The following CLEC16A variants were observed in gnomAD, a reference collection of about 807,000 sequenced individuals.
The protein encoded by CLEC16A is protein CLEC16A.
Under a neutral mutation model 109.5 loss-of-function variants are expected in CLEC16A, and 51 were observed. The observed-to-expected ratio is 0.47, with a 90% CI of 0.37 to 0.59. The LOEUF (loss-of-function observed/expected upper bound fraction) is 0.59. Among genes scored for constraint, CLEC16A ranks in the 20% least tolerant of loss-of-function variants. The probability of loss-of-function intolerance (pLI) is 0.00; values close to 1 mark genes in which losing one functional copy is unlikely to be tolerated. For missense variants in CLEC16A, 1,339 were observed against 1,394.0 expected (o/e 0.96, Z 0.63); for synonymous variants, 673 against 564.2 (o/e 1.19, Z -2.73).
chr16:11,129,888 T>G (rs900574618), intron 22 of CLEC16A, among the ~76,000 whole-genome samples: 1 of 150,852 alleles, frequency 6.6e-6, no homozygotes, highest in South Asian at 2.2e-4. Flanking sequence ...TCAGCCTCCC[T>G]AGTAGCTGGT....
chr16:11,127,052 A>T (rs1409160798), intron 22 of CLEC16A, among the ~76,000 whole-genome samples: 1 of 152,182 alleles, frequency 6.6e-6, no homozygotes, highest in African/African-American at 2.4e-5. Flanking sequence ...TAGGCATATG[A>T]TTTTTTAAAA....
chr16:11,115,316 G>A (rs141448658), intron 19 of CLEC16A, among the ~76,000 whole-genome samples: 1 of 152,188 alleles, frequency 6.6e-6, no homozygotes, highest in Admixed American at 6.5e-5. Context: ...TATTGTTTTT[G>A]TTCTATTTTT....
intron 17 of CLEC16A, among the ~76,000 whole-genome samples, chr16:11,049,872 G>A (rs980188711): frequency 1.3e-5 from 2 of 152,250 alleles, no homozygotes; most frequent in African/African-American, 2.4e-5. Flanking sequence ...CCCCTGCGGG[G>A]TTAGAGGATT....
intron 13 of CLEC16A, among the ~76,000 whole-genome samples, chr16:11,033,185 C>A (rs1452664490): frequency 6.6e-6 from 1 of 152,060 alleles, no homozygotes; most frequent in African/African-American, 2.4e-5. Context: ...AGGGACGAGT[C>A]AGATGACTCC....
At chr16:11,070,603 G>A (rs1180132073) in intron 19 of CLEC16A, 5 of 152,174 alleles carry the variant, frequency 3.3e-5, no homozygotes, top group Non-Finnish European at 5.9e-5. Context: ...AGCATGAACT[G>A]TCTTCCTTTT....
chr16:10,996,617 C>T (rs1194175189), intron 10 of CLEC16A, among the ~76,000 whole-genome samples: 3 of 152,208 alleles, frequency 2.0e-5, no homozygotes, highest in African/African-American at 4.8e-5. Flanking sequence ...CCAGCCCTGG[C>T]GCATTTTCCC....
rs148745282 is a variant in CLEC16A at position 11,115,284 on chromosome 16, G to C, written c.2117-5331G>C. The stretch of plus-strand genomic sequence containing the variant: ...AGGAGGGGGAAGGAGGATAGAAAGA[G>C]AAAGAAAGGAAAGAACATGTTTATT... On this transcript the variant is annotated intron_variant, in intron 19 of 23. Coordinates refer to ENST00000409790, the MANE Select transcript of CLEC16A (RefSeq NM_015226.3). Among the ~76,000 whole-genome samples, 27 of 152,294 alleles carry C rather than the reference G, an allele frequency of 1.8e-4. 1 individual carries two copies. In the East Asian group the frequency reaches 4.4e-3, roughly 25 times the overall value.
At chr16:11,091,854 G>C (rs563195994) in intron 19 of CLEC16A, among the ~76,000 whole-genome samples, 1 of 152,000 alleles carries the variant, frequency 6.6e-6, no homozygotes, top group South Asian at 2.1e-4. Context: ...GCTCCCCCTC[G>C]TAAGTTACCC....
chr16:11,114,832 G>A (rs1161051203), intron 19 of CLEC16A, among the ~76,000 whole-genome samples: 3 of 152,200 alleles, frequency 2.0e-5, no homozygotes, highest in African/African-American at 7.2e-5. Context: ...GCATTTGCTT[G>A]TAATCTGTAG....
At chr16:10,977,199 G>A (rs775240445) in intron 7 of CLEC16A, 26 bp from the exon 8 acceptor site, 1 of 1,607,450 alleles carries the variant, frequency 6.2e-7, no homozygotes, top group Admixed American at 1.7e-5. Context: ...TGGCCTCCAG[G>A]CTGAGGTGGT....
chr16:10,989,125 G>A (rs1167789453), intron 10 of CLEC16A, among the ~76,000 whole-genome samples: 1 of 152,220 alleles, frequency 6.6e-6, no homozygotes, highest in Non-Finnish European at 1.5e-5. Context: ...GGTAGGTGAA[G>A]CCCTCTGTGT....
At position 11,137,678 on chromosome 16, in the gene CLEC16A, G is replaced by A. The variant is rs957754172; in HGVS notation, c.2641+11532G>A. On this transcript the variant is annotated intron_variant, in intron 22 of 23. Transcript: ENST00000409790. ...ACAAAAAGTAGCCGGGCGTGGTGGT[G>A]TGTGCCTGTAGTCCCAGCTACTCAG... is the stretch of plus-strand genomic sequence containing the variant. 1.4e-4 allele frequency among the ~76,000 whole-genome samples: 21 copies of A among 151,788 alleles called. 1 individual carries two copies. The highest frequency in any genetic ancestry group is 6.6e-4 in the Admixed American group (10 of 15,250).
chr16:11,090,249 A>T (rs1047836956), intron 19 of CLEC16A, among the ~76,000 whole-genome samples: 1 of 151,916 alleles, frequency 6.6e-6, no homozygotes, highest in Non-Finnish European at 1.5e-5. Context: ...AGAAACAGGG[A>T]CTCGCTATGT....
chr16:11,169,830 T>TG (rs1472346984), intron 23 of CLEC16A, among the ~76,000 whole-genome samples: 3 of 152,222 alleles, frequency 2.0e-5, no homozygotes, highest in Admixed American at 2.0e-4. Context: ...GCCTTCTCAG[T>TG]GTGCACCTGC....
At chr16:10,983,886 A>G (rs1362258650) in intron 10 of CLEC16A, among the ~76,000 whole-genome samples, 2 of 147,398 alleles carry the variant, frequency 1.4e-5, no homozygotes, top group South Asian at 2.2e-4. Context: ...TATGGCAGGG[A>G]TCTCACCTGT....
chr16:11,064,315 T>C (rs1470005434), intron 19 of CLEC16A, among the ~76,000 whole-genome samples: 7 of 152,252 alleles, frequency 4.6e-5, no homozygotes, highest in Non-Finnish European at 5.9e-5. Flanking sequence ...TGCTTTGGAA[T>C]GGAGGCCAGG....
rs747374551 is a variant in CLEC16A, at chr16:11,027,258, G to A, written c.1537+2337G>A. On this transcript the variant is annotated intron_variant, in intron 13 of 23. Coordinates refer to ENST00000409790, the MANE Select transcript of CLEC16A (RefSeq NM_015226.3). ...ACGACTAGAAGTGAAACCTCATGCCGTGGAATTGCCAGATAAACATTCCTT... is the reference window on the plus strand; with the variant it reads ...ACGACTAGAAGTGAAACCTCATGCCATGGAATTGCCAGATAAACATTCCTT... 4.1e-5 allele frequency: 64 copies of A among 1,544,466 alleles called. No homozygotes were observed. In the African/African-American group the frequency reaches 4.3e-4, roughly 10 times the overall value.
intron 19 of CLEC16A, among the ~76,000 whole-genome samples, chr16:11,091,338 G>T (rs752981143): frequency 4.6e-5 from 7 of 152,256 alleles, no homozygotes; most frequent in Non-Finnish European, 1.0e-4. Context: ...ACTTGATGAA[G>T]AAGCCTTACT....
intron 19 of CLEC16A, among the ~76,000 whole-genome samples, chr16:11,114,510 G>A (rs1188460470): frequency 1.3e-5 from 2 of 152,110 alleles, no homozygotes; most frequent in African/African-American, 4.8e-5. Context: ...CTGCCACCAA[G>A]TCCTTCCCAT....
Sources: allele counts gnomAD v4.1 joint callset (sites outside exome capture counted in the v4.1 genomes callset), GRCh38; gene constraint gnomAD v4.1.1; transcripts MANE v1.5; gene names NCBI Gene and HGNC (gene_info 2026-07-23, HGNC 2026-07-21).